Variants in THOC7 observed in about 807,000 individuals in gnomAD.
The protein encoded by THOC7 is NIF3L1-binding protein 1.
Under a neutral mutation model 33.1 loss-of-function variants are expected in THOC7, and 22 were observed. That is an observed-to-expected ratio of 0.66 (90% CI 0.47 to 0.95). THOC7 has a LOEUF of 0.95. Ranked by LOEUF, THOC7 falls within the 40% of genes least tolerant of loss-of-function variation. The pLI, the probability that THOC7 is intolerant of heterozygous loss-of-function variation, is 0.00. For synonymous variants in THOC7, 77 were observed against 76.8 expected (o/e 1.00, Z -0.01); for missense variants, 184 against 245.3 (o/e 0.75, Z 1.67).
intron 1 of THOC7, chr3:63,846,345 C>T (rs1701894854): frequency 8.1e-6 from 2 of 246,816 alleles, no homozygotes; most frequent in Non-Finnish European, 8.4e-6. Context: ...TTTTCCTAAA[C>T]CTAGAGAAAA....
At chr3:63,850,302 G>A (rs1334131480) in intron 1 of THOC7, among the ~76,000 whole-genome samples, 1 of 151,846 alleles carries the variant, frequency 6.6e-6, no homozygotes, top group Non-Finnish European at 1.5e-5. Context: ...CCGGGTTCAA[G>A]CAATAACCCT....
chr3:63,834,605 A>G (rs1701590192), intron 7 of THOC7, among the ~76,000 whole-genome samples: 1 of 151,904 alleles, frequency 6.6e-6, no homozygotes, highest in South Asian at 2.1e-4. Flanking sequence ...GATTGCAGTG[A>G]GCCAAGATTG....
At chr3:63,844,943 G>A (rs1180574379) in intron 1 of THOC7, 3 of 594,768 alleles carry the variant, frequency 5.0e-6, no homozygotes, top group Middle Eastern at 2.7e-4. Context: ...ATGTGGAAGC[G>A]GCAAGTGTTG....
chr3:63,847,101 C>T (rs1401519261), intron 1 of THOC7, among the ~76,000 whole-genome samples: 3 of 152,144 alleles, frequency 2.0e-5, no homozygotes, highest in Admixed American at 6.5e-5. Flanking sequence ...GGAAGTACCA[C>T]CACTTGTGCA....
At chr3:63,863,698 C>A in intron 1 of THOC7, 74 bp downstream of exon 1, 2 of 1,241,708 alleles carry the variant, frequency 1.6e-6, no homozygotes, top group Non-Finnish European at 2.0e-6. Flanking sequence ...GGAAGCGGGC[C>A]GGGAGGCCAG....
chr3:63,856,773 C>T (rs111234932), intron 1 of THOC7, among the ~76,000 whole-genome samples: 15,457 of 151,594 alleles, frequency 0.1, 976 homozygotes, highest in Admixed American at 0.15. Flanking sequence ...GGCTGGAGTG[C>T]GTGGCGCTAT....
intron 1 of THOC7, among the ~76,000 whole-genome samples, chr3:63,840,398 C>A (rs186331758): frequency 6.6e-6 from 1 of 151,872 alleles, no homozygotes; most frequent in African/African-American, 2.4e-5. Context: ...TTGAGACCAG[C>A]CTGACCAACA....
chr3:63,839,827 A>C, intron 1 of THOC7, 54 bp from the exon 2 acceptor site: 1 of 1,410,844 alleles, frequency 7.1e-7, no homozygotes. Flanking sequence ...TTTCAAGTAC[A>C]AATAACCAGT....
At position 63,842,220 on chromosome 3, in the gene THOC7, A is replaced by G. The variant is rs535276662; in HGVS notation, c.20-2447T>C. Among the ~76,000 whole-genome samples the G allele has an allele frequency of 5.3e-5, 8 of 152,330 alleles. No individual in the cohort carries two copies. In the East Asian group the frequency reaches 1.5e-3, roughly 29 times the overall value. On this transcript the variant is annotated intron_variant, in intron 1 of 7. Coordinates refer to ENST00000295899, the MANE Select transcript of THOC7 (RefSeq NM_025075.4). ...CCAACAGGTATATGAAAAAATTCTC[A>G]ACATCACTAATCAGGGAAATGCAAA... is the stretch of plus-strand genomic sequence containing the variant.
chr3:63,835,273 TATAG>T (rs1344825120), intron 6 of THOC7, 47 bp downstream of exon 6: 3 of 1,612,588 alleles, frequency 1.9e-6, no homozygotes, highest in Non-Finnish European at 2.5e-6. Flanking sequence ...TATATAGATA[TATAG>T]ACAGACAGAT....
At chr3:63,852,719 T>C (rs148028124) in intron 1 of THOC7, among the ~76,000 whole-genome samples, 3 of 152,152 alleles carry the variant, frequency 2.0e-5, no homozygotes, top group African/African-American at 7.2e-5. Context: ...TAAAGATTCA[T>C]GGGCCAGAAT....
At chr3:63,843,157 C>T (rs1032748161) in intron 1 of THOC7, among the ~76,000 whole-genome samples, 6 of 151,148 alleles carry the variant, frequency 4.0e-5, no homozygotes, top group African/African-American at 1.5e-4. Flanking sequence ...CTCACTCTTT[C>T]ATCCAGGCTA....
At chr3:63,849,591 AT>A (rs1701981049) in intron 1 of THOC7, among the ~76,000 whole-genome samples, 1 of 152,050 alleles carries the variant, frequency 6.6e-6, no homozygotes, top group South Asian at 2.1e-4. Context: ...AGCAAAGCAA[AT>A]TTAAAAGACG....
At chr3:63,842,030 C>A (rs1043001063) in intron 1 of THOC7, among the ~76,000 whole-genome samples, 4 of 152,014 alleles carry the variant, frequency 2.6e-5, no homozygotes, top group African/African-American at 9.7e-5. Context: ...TCTAAGGCAA[C>A]CTGGGGAGTG....
At chr3:63,853,267 G>C (rs560687877) in intron 1 of THOC7, among the ~76,000 whole-genome samples, 1 of 151,964 alleles carries the variant, frequency 6.6e-6, no homozygotes, top group East Asian at 1.9e-4. Flanking sequence ...GGTGGCACAA[G>C]TAGGAGTGTG....
At chr3:63,834,282 C>A in intron 7 of THOC7, 83 bp from the exon 8 acceptor site, 2 of 1,329,232 alleles carry the variant, frequency 1.5e-6, no homozygotes, top group East Asian at 4.7e-5. Context: ...CATGTTTATC[C>A]TTTATTAGCC....
intron 2 of THOC7, among the ~76,000 whole-genome samples, chr3:63,839,186 T>A (rs1183948698): frequency 1.3e-5 from 2 of 151,956 alleles, no homozygotes. Context: ...TGAGACTCTG[T>A]CTCACAAAAA....
chr3:63,856,253 G>A (rs1702113859), intron 1 of THOC7, among the ~76,000 whole-genome samples: 1 of 152,114 alleles, frequency 6.6e-6, no homozygotes. Context: ...GGGAAGAGCT[G>A]TGGGGTGTGT....
At chr3:63,863,420 T>C in intron 1 of THOC7, 1 of 1,084,412 alleles carries the variant, frequency 9.2e-7, no homozygotes, top group Admixed American at 5.3e-5. Flanking sequence ...GGACTCCCTC[T>C]GGTCCCACCC....
Sources: allele counts gnomAD v4.1 joint callset (sites outside exome capture counted in the v4.1 genomes callset), GRCh38; gene constraint gnomAD v4.1.1; transcripts MANE v1.5; gene names NCBI Gene and HGNC (gene_info 2026-07-23, HGNC 2026-07-21).